CHRM3: variants seen among roughly 807,000 people sequenced by gnomAD.
CHRM3 encodes the protein muscarinic acetylcholine receptor M3.
In CHRM3, 11 loss-of-function variants were observed where a neutral mutation model predicts 41.8. The observed-to-expected ratio is 0.26, with a 90% CI of 0.17 to 0.44. The LOEUF (loss-of-function observed/expected upper bound fraction) is 0.44. Ranked by LOEUF, CHRM3 falls within the 20% of genes least tolerant of loss-of-function variation. The probability of loss-of-function intolerance (pLI) is 1.00; values close to 1 mark genes in which losing one functional copy is unlikely to be tolerated. For synonymous variants in CHRM3, 297 were observed against 301.4 expected (o/e 0.99, Z 0.15); for missense variants, 571 against 745.4 (o/e 0.77, Z 2.72).
chr1:239,635,233 A>C (rs1670332431), intron 4 of CHRM3, among the ~76,000 whole-genome samples: 1 of 152,204 alleles, frequency 6.6e-6, no homozygotes, highest in Non-Finnish European at 1.5e-5. Context: ...TGTCACAGCC[A>C]GCGTCTGCTT....
chr1:239,753,486 G>A (rs910997362), intron 5 of CHRM3, among the ~76,000 whole-genome samples: 1 of 152,028 alleles, frequency 6.6e-6, no homozygotes, highest in African/African-American at 2.4e-5. Context: ...GAAAGAGAGA[G>A]TGATAAGGGG....
intron 1 of CHRM3, among the ~76,000 whole-genome samples, chr1:239,424,754 GT>G (rs1338251959): frequency 6.6e-6 from 1 of 152,212 alleles, no homozygotes; most frequent in Non-Finnish European, 1.5e-5. Flanking sequence ...AAAGAAGGCT[GT>G]GGGGATGGAG....
intron 5 of CHRM3, among the ~76,000 whole-genome samples, chr1:239,784,286 G>A (rs901332584): frequency 6.6e-6 from 1 of 152,070 alleles, no homozygotes; most frequent in African/African-American, 2.4e-5. Flanking sequence ...TGTTTTCTAT[G>A]TGTTGCCCAA....
chr1:239,589,216 G>T (rs1035188140), intron 3 of CHRM3, among the ~76,000 whole-genome samples: 1 of 152,132 alleles, frequency 6.6e-6, no homozygotes, highest in Admixed American at 6.5e-5. Context: ...TTACAGGCGT[G>T]AGCCACTGTG....
intron 1 of CHRM3, among the ~76,000 whole-genome samples, chr1:239,464,031 C>G (rs1558242456): frequency 6.6e-6 from 1 of 152,170 alleles, no homozygotes; most frequent in Non-Finnish European, 1.5e-5. Flanking sequence ...AATCTCAGCA[C>G]TTTGGGAGGC....
At chr1:239,507,121 T>C (rs1359222947) in intron 2 of CHRM3, among the ~76,000 whole-genome samples, 1 of 152,182 alleles carries the variant, frequency 6.6e-6, no homozygotes, top group African/African-American at 2.4e-5. Flanking sequence ...TTTGAGTTAA[T>C]GATGAAATGA....
intron 2 of CHRM3, among the ~76,000 whole-genome samples, chr1:239,526,388 T>G (rs985166965): frequency 9.2e-5 from 14 of 152,192 alleles, no homozygotes; most frequent in Admixed American, 9.2e-4. Flanking sequence ...GAACAACTGA[T>G]ATTTTTACGT....
At chr1:239,789,808 C>G (rs1669197684) in intron 5 of CHRM3, among the ~76,000 whole-genome samples, 1 of 152,214 alleles carries the variant, frequency 6.6e-6, no homozygotes, top group South Asian at 2.1e-4. Context: ...GAAAGACAAA[C>G]ATCCAAACTT....
intron 3 of CHRM3, among the ~76,000 whole-genome samples, chr1:239,551,751 A>C (rs139459155): frequency 6.0e-4 from 91 of 152,318 alleles, no homozygotes; most frequent in African/African-American, 2.0e-3. Context: ...AGTGAAGTCA[A>C]ACATGGGCTA....
intron 4 of CHRM3, among the ~76,000 whole-genome samples, chr1:239,642,536 C>G (rs1018157497): frequency 6.6e-6 from 1 of 152,120 alleles, no homozygotes; most frequent in Admixed American, 6.6e-5. Context: ...TCACTGATAC[C>G]TCTTCTTCCA....
At chr1:239,517,587 C>T (rs577457881) in intron 2 of CHRM3, among the ~76,000 whole-genome samples, 67 of 152,254 alleles carry the variant, frequency 4.4e-4, no homozygotes, top group African/African-American at 1.5e-3. Context: ...TTTTCAATTA[C>T]CAGTCATTAT....
intron 5 of CHRM3, among the ~76,000 whole-genome samples, chr1:239,821,639 A>T (rs1387607172): frequency 1.3e-5 from 2 of 152,240 alleles, no homozygotes; most frequent in South Asian, 2.1e-4. Context: ...CTTTTGGGAT[A>T]GAAAGTGATC....
chr1:239,456,510 T>G (rs549169407), intron 1 of CHRM3, among the ~76,000 whole-genome samples: 1 of 152,238 alleles, frequency 6.6e-6, no homozygotes, highest in East Asian at 1.9e-4. Flanking sequence ...CGTCTAGGCT[T>G]GTGTACATCC....
At chr1:239,398,919 A>T (rs548988902) in intron 1 of CHRM3, among the ~76,000 whole-genome samples, 2 of 152,320 alleles carry the variant, frequency 1.3e-5, no homozygotes, top group East Asian at 3.9e-4. Context: ...GTCTAAAATT[A>T]TACCCACAAA....
chr1:239,537,253 G>A (rs1480869178), intron 2 of CHRM3, among the ~76,000 whole-genome samples: 2 of 152,142 alleles, frequency 1.3e-5, no homozygotes, highest in African/African-American at 4.8e-5. Context: ...CTGAGACAGG[G>A]TAATTTATTA....
intron 1 of CHRM3, among the ~76,000 whole-genome samples, chr1:239,390,504 C>T (rs1343903720): frequency 1.3e-5 from 2 of 152,124 alleles, no homozygotes; most frequent in African/African-American, 4.8e-5. Context: ...AGATCAAATG[C>T]TAAGCAGAGT....
intron 1 of CHRM3, among the ~76,000 whole-genome samples, chr1:239,453,505 G>T (rs2103337458): frequency 6.6e-6 from 1 of 152,078 alleles, no homozygotes; most frequent in East Asian, 1.9e-4. Context: ...CTACACCTTT[G>T]TACAGTTGTG....
At chr1:239,867,261 C>T (rs573189017) in intron 6 of CHRM3, among the ~76,000 whole-genome samples, 27 of 152,302 alleles carry the variant, frequency 1.8e-4, no homozygotes, top group South Asian at 8.3e-4. Flanking sequence ...GTGCTGAGGA[C>T]GGCGAAGCTT....
chr1:239,545,753 G>A lies in CHRM3; in HGVS notation c.-313+4G>A, dbSNP rs888232662. On this transcript the variant is annotated splice_donor_region_variant and intron_variant, in intron 3 of 6. Coordinates refer to ENST00000676153, the MANE Select transcript of CHRM3 (RefSeq NM_001375978.1). Reference sequence around the variant, plus strand: ...ACAGAACCAAGTCTCTTCACTAGTAGGTATTTTTTTAATTAATATCATGTA... The same window carrying A: ...ACAGAACCAAGTCTCTTCACTAGTAAGTATTTTTTTAATTAATATCATGTA... 2 of 151,984 alleles carry A rather than the reference G, an allele frequency of 1.3e-5. No individual in the cohort carries two copies. The highest frequency in any genetic ancestry group is 4.8e-5 in the African/African-American group (2 of 41,372). The allele number at this position is 151,984 out of a possible 1,614,324, so 9.4% of individuals were successfully genotyped here.
Sources: allele counts gnomAD v4.1 joint callset (sites outside exome capture counted in the v4.1 genomes callset), GRCh38; gene constraint gnomAD v4.1.1; transcripts MANE v1.5; gene names NCBI Gene and HGNC (gene_info 2026-07-23, HGNC 2026-07-21).